Variants in NPR3 observed in about 807,000 individuals in gnomAD.
NPR3 encodes the protein atrial natriuretic peptide receptor 3.
In NPR3, 34 loss-of-function variants were observed where a neutral mutation model predicts 54.5. The observed-to-expected ratio is 0.62, with a 90% CI of 0.47 to 0.83. The LOEUF (loss-of-function observed/expected upper bound fraction) is 0.83, where lower values mean the gene tolerates loss of function less well. NPR3 is among the 40% of genes least tolerant of loss of function. NPR3 has a pLI of 0.00. For missense variants in NPR3, 674 were observed against 720.8 expected, an observed-to-expected ratio of 0.94 and a Z score of 0.74; for synonymous variants, 289 against 297.1, an observed-to-expected ratio of 0.97 and a Z score of 0.28.
Position 32,786,334 on chromosome 5 carries a change from T to C in NPR3, c.1615T>C (p.Ser539Pro). 1 of 1,498,790 alleles carries C rather than the reference T, an allele frequency of 6.7e-7. No individual in the cohort carries two copies. 92.8% of individuals were successfully genotyped at this position (1,498,790 alleles called of 1,614,324 possible). ...GGAAGATTCCATCAGATCCCATTTT[T>C]CAGTAGCTTAAAGGAAGCCCCCCAC... is the stretch of plus-strand genomic sequence containing the variant. ...LREDSIRSHF[S>P]VA Residue 539 changes from serine to proline, a missense_variant, in exon 8 of 8, where the codon TCA becomes CCA. Transcript: ENST00000265074.
intron 1 of NPR3, among the ~76,000 whole-genome samples, chr5:32,699,819 G>A (rs1740624190): frequency 6.6e-6 from 1 of 152,078 alleles, no homozygotes; most frequent in African/African-American, 2.4e-5. Context: ...GTTTCTTATT[G>A]CTCATTAATG....
At chr5:32,764,522 T>G (rs1741340303) in intron 3 of NPR3, among the ~76,000 whole-genome samples, 1 of 152,072 alleles carries the variant, frequency 6.6e-6, no homozygotes, top group African/African-American at 2.4e-5. Context: ...GCACGGTGGC[T>G]CCTGTCTGTA....
intron 7 of NPR3, among the ~76,000 whole-genome samples, chr5:32,785,569 A>G (rs193144177): frequency 2.0e-5 from 3 of 152,322 alleles, no homozygotes; most frequent in East Asian, 1.9e-4. Context: ...CCAATTCAGA[A>G]ATAGATGCCT....
At chr5:32,756,121 A>G (rs1178081525) in intron 3 of NPR3, among the ~76,000 whole-genome samples, 2 of 152,248 alleles carry the variant, frequency 1.3e-5, no homozygotes, top group East Asian at 3.8e-4. Context: ...ATACCCAGTA[A>G]TGGGATGGCT....
intron 3 of NPR3, among the ~76,000 whole-genome samples, chr5:32,762,641 G>A (rs1044169778): frequency 4.6e-5 from 7 of 151,940 alleles, no homozygotes; most frequent in African/African-American, 9.7e-5. Context: ...GTTTTTAAGT[G>A]TCTGTTCATA....
At chr5:32,742,981 A>T (rs1462029580) in intron 3 of NPR3, among the ~76,000 whole-genome samples, 1 of 152,228 alleles carries the variant, frequency 6.6e-6, no homozygotes, top group Non-Finnish European at 1.5e-5. Flanking sequence ...CAGCATCTTT[A>T]AAAAGGTTAT....
At chr5:32,726,128 T>C (rs908251594) in intron 2 of NPR3, among the ~76,000 whole-genome samples, 3 of 152,094 alleles carry the variant, frequency 2.0e-5, no homozygotes, top group Non-Finnish European at 4.4e-5. Flanking sequence ...AGGGGAAGTG[T>C]AAGTGTGTAT....
chr5:32,756,132 G>T (rs968687022), intron 3 of NPR3, among the ~76,000 whole-genome samples: 12 of 152,180 alleles, frequency 7.9e-5, no homozygotes, highest in Non-Finnish European at 1.5e-4. Flanking sequence ...TGGGATGGCT[G>T]GGTCAAATGG....
chr5:32,736,575 G>A (rs974190187), intron 2 of NPR3, among the ~76,000 whole-genome samples: 1 of 152,212 alleles, frequency 6.6e-6, no homozygotes, highest in African/African-American at 2.4e-5. Context: ...TTGCATGCCT[G>A]CAAGCAATGG....
At chr5:32,779,395 C>T (rs372541340) in intron 4 of NPR3, among the ~76,000 whole-genome samples, 1 of 152,098 alleles carries the variant, frequency 6.6e-6, no homozygotes, top group East Asian at 1.9e-4. Context: ...TAATATCAGC[C>T]GATGATATAT....
intron 3 of NPR3, among the ~76,000 whole-genome samples, chr5:32,759,841 A>G (rs950720506): frequency 1.4e-4 from 21 of 152,092 alleles, no homozygotes; most frequent in Admixed American, 1.1e-3. Flanking sequence ...TCTGTAAAGT[A>G]TTTTATTTCT....
In NPR3 at chr5:32,711,827, G is replaced by T; in HGVS notation, c.51G>T (p.Trp17Cys). ...LTFSPCVLLG[W>C]ALLAGGTGGG... ...TCTCCCCGTGCGTACTACTCGGCTGGGCGTTGCTGGCCGGCGGCACCGGTG... is the reference window on the plus strand; with the variant it reads ...TCTCCCCGTGCGTACTACTCGGCTGTGCGTTGCTGGCCGGCGGCACCGGTG... Residue 17 changes from tryptophan to cysteine, a missense_variant, in exon 1 of 8, where the codon TGG becomes TGT. By Grantham distance (215) the Trp-to-Cys change is radical. Transcript: ENST00000265074. 1 of 1,459,322 alleles carries T rather than the reference G, an allele frequency of 6.9e-7. No individual in the cohort carries two copies. Among genetic ancestry groups the T allele is most frequent in the South Asian group, 1.5e-5 (1 of 67,846 alleles). 90.4% of individuals were successfully genotyped at this position (1,459,322 alleles called of 1,614,324 possible).
chr5:32,774,560 G>T (rs1741940022), intron 3 of NPR3, 148 bp from the exon 4 acceptor site: 1 of 673,912 alleles, frequency 1.5e-6, no homozygotes, highest in African/African-American at 1.8e-5. Flanking sequence ...GAAAGTCATG[G>T]CGTGATTCTT....
upstream of NPR3, among the ~76,000 whole-genome samples, chr5:32,707,316 T>C (rs112477625): frequency 1.2e-4 from 18 of 152,176 alleles, no homozygotes; most frequent in African/African-American, 3.8e-4. Context: ...ATAAAATTAC[T>C]ATTATTTATA....
intron 3 of NPR3, among the ~76,000 whole-genome samples, chr5:32,769,747 C>T (rs1307354244): frequency 1.3e-5 from 2 of 152,210 alleles, no homozygotes; most frequent in African/African-American, 2.4e-5. Context: ...TATCTGAGAG[C>T]TTGACAGGAT....
intron 2 of NPR3, among the ~76,000 whole-genome samples, chr5:32,736,480 A>C (rs1739756238): frequency 6.6e-6 from 1 of 152,182 alleles, no homozygotes; most frequent in South Asian, 2.1e-4. Context: ...CAGAGCTGAG[A>C]AACTCACACC....
chr5:32,753,744 A>G (rs76181070), intron 3 of NPR3, among the ~76,000 whole-genome samples: 4,234 of 151,384 alleles, frequency 0.028, 71 homozygotes, highest in Middle Eastern at 0.088. Flanking sequence ...CTGGAAAAGG[A>G]AGGCTTAAAG....
Position 32,783,021 on chromosome 5 carries a change from C to T in NPR3, c.1419C>T (p.Cys473=), listed in dbSNP as rs1170506883. ...TAGAGCATACAAACAGCTCTCCCTGCAAATCATGTAAGTCTGGAGACTTAA... is the reference window on the plus strand; with the variant it reads ...TAGAGCATACAAACAGCTCTCCCTGTAAATCATGTAAGTCTGGAGACTTAA... The part of the protein sequence containing the change: ...RIVEHTNSSP[C]KSSGGLEESA... The change falls in exon 6 of 8, where the codon TGC becomes TGT. Residue 473 remains cysteine (C), a synonymous_variant. Coordinates refer to ENST00000265074, the MANE Select transcript of NPR3 (RefSeq NM_001204375.2). 2 of 1,599,354 alleles carry T rather than the reference C, an allele frequency of 1.3e-6. No homozygotes were observed. Among genetic ancestry groups the T allele is most frequent in the East Asian group, 4.5e-5 (2 of 44,598 alleles).
chr5:32,763,301 T>C (rs1037125086), intron 3 of NPR3, among the ~76,000 whole-genome samples: 3 of 151,994 alleles, frequency 2.0e-5, no homozygotes, highest in African/African-American at 7.2e-5. Context: ...CATCTTTTAT[T>C]TTTTATTTAT....
Sources: gnomAD v4.1 joint callset for allele counts (sites outside exome capture counted in the v4.1 genomes callset) on GRCh38, gnomAD v4.1.1 for gene constraint, MANE v1.5 for transcripts, NCBI Gene and HGNC (gene_info 2026-07-23, HGNC 2026-07-21) for gene names.